The following HDAC9 variants were observed in gnomAD, a reference collection of about 807,000 sequenced individuals.
HDAC9 encodes the protein histone deacetylase 9, also known as MEF-2 interacting transcription repressor (MITR) protein.
Under a neutral mutation model 139.4 loss-of-function variants are expected in HDAC9, and 41 were observed. That is an observed-to-expected ratio of 0.29 (90% CI 0.23 to 0.38). The LOEUF is 0.38. Among genes scored for constraint, HDAC9 ranks in the 10% least tolerant of loss-of-function variants. The pLI, the probability that HDAC9 is intolerant of heterozygous loss-of-function variation, is 1.00. For missense variants in HDAC9, 1,147 were observed against 1,297.0 expected, an observed-to-expected ratio of 0.88 and a Z score of 1.78; for synonymous variants, 517 against 476.2, an observed-to-expected ratio of 1.09 and a Z score of -1.12.
At chr7:18,643,326 G>A (rs1002910213) in intron 8 of HDAC9, among the ~76,000 whole-genome samples, 8 of 152,106 alleles carry the variant, frequency 5.3e-5, no homozygotes, top group African/African-American at 1.4e-4. Context: ...TTAAAGGGCT[G>A]CATATAAAGT....
chr7:18,363,929 G>T (rs1034594898), intron 1 of HDAC9, among the ~76,000 whole-genome samples: 2 of 151,998 alleles, frequency 1.3e-5, no homozygotes, highest in Admixed American at 1.3e-4. Context: ...ATTTTTCAGG[G>T]TCTAACTTTT....
chr7:18,490,488 G>A (rs112936741), intron 1 of HDAC9, among the ~76,000 whole-genome samples: 2,039 of 152,054 alleles, frequency 0.013, 45 homozygotes, highest in African/African-American at 0.046. Context: ...CAATGCCAAC[G>A]TGATTTCTCA....
chr7:18,557,342 T>G (rs905851502), intron 2 of HDAC9, among the ~76,000 whole-genome samples: 66 of 148,986 alleles, frequency 4.4e-4, no homozygotes, highest in East Asian at 2.3e-3. Flanking sequence ...ATGATGAGTT[T>G]TTTTTTTTTT....
intron 2 of HDAC9, among the ~76,000 whole-genome samples, chr7:18,179,862 A>G (rs1789251121): frequency 6.6e-6 from 1 of 152,186 alleles, no homozygotes; most frequent in African/African-American, 2.4e-5. Flanking sequence ...ATAGTAAAGT[A>G]TCACATGTTC....
rs116840690 is a variant in HDAC9 at position 18,778,528 on chromosome 7, A to G, written c.2214+11373A>G. Reference sequence around the variant, plus strand: ...TTGAAGCACCCTTTACACAGTGTGGACATCAGATTAAATGAAGAAACAGTA... The same window carrying G: ...TTGAAGCACCCTTTACACAGTGTGGGCATCAGATTAAATGAAGAAACAGTA... On this transcript the variant is annotated intron_variant, in intron 16 of 25. Coordinates refer to ENST00000686413, the MANE Select transcript of HDAC9 (RefSeq NM_178425.4). Among the ~76,000 whole-genome samples, 499 of 152,164 alleles carry G rather than the reference A, an allele frequency of 3.3e-3. 1 individual carries two copies. The highest frequency in any genetic ancestry group is 0.012 in the African/African-American group (483 of 41,552).
intron 12 of HDAC9, among the ~76,000 whole-genome samples, chr7:18,714,606 A>G (rs758434935): frequency 6.6e-6 from 1 of 152,188 alleles, no homozygotes; most frequent in Non-Finnish European, 1.5e-5. Context: ...TCCACATGCT[A>G]TGCTGTCTAC....
At chr7:18,478,201 A>G (rs1047851238) in intron 1 of HDAC9, among the ~76,000 whole-genome samples, 3 of 151,886 alleles carry the variant, frequency 2.0e-5, no homozygotes, top group African/African-American at 4.8e-5. Flanking sequence ...CCTCCCGAGT[A>G]GCTGGGACTA....
At chr7:18,951,791 C>A (rs953123168) in intron 23 of HDAC9, among the ~76,000 whole-genome samples, 1 of 151,538 alleles carries the variant, frequency 6.6e-6, no homozygotes. Context: ...TGAATAATGA[C>A]AACACTCATA....
chr7:18,483,407 A>C (rs1300814198), intron 1 of HDAC9, among the ~76,000 whole-genome samples: 1 of 152,140 alleles, frequency 6.6e-6, no homozygotes, highest in East Asian at 1.9e-4. Flanking sequence ...AGGAAAATAA[A>C]CCCACAGCAG....
chr7:18,529,978 G>A (rs568536116), intron 2 of HDAC9, among the ~76,000 whole-genome samples: 82 of 151,944 alleles, frequency 5.4e-4, no homozygotes, highest in Non-Finnish European at 9.9e-4. Flanking sequence ...TTTAAGAATG[G>A]AATAATTACA....
intron 24 of HDAC9, among the ~76,000 whole-genome samples, chr7:18,970,169 C>G (rs965488651): frequency 6.6e-6 from 1 of 151,944 alleles, no homozygotes; most frequent in Non-Finnish European, 1.5e-5. Flanking sequence ...TATTTAGACC[C>G]CGTTGAAACA....
intron 24 of HDAC9, among the ~76,000 whole-genome samples, chr7:18,974,421 C>T (rs931293305): frequency 6.6e-6 from 1 of 152,186 alleles, no homozygotes; most frequent in African/African-American, 2.4e-5. Flanking sequence ...TCTTAACTAA[C>T]AGGGCTGTCT....
chr7:18,835,812 G>T, intron 20 of HDAC9, 88 bp from the exon 21 acceptor site: 1 of 996,878 alleles, frequency 1.0e-6, no homozygotes, highest in South Asian at 1.5e-5. Flanking sequence ...TTTATTTCAA[G>T]AGCTCCCATG....
At chr7:18,607,306 T>C (rs1835793725) in intron 6 of HDAC9, among the ~76,000 whole-genome samples, 1 of 152,226 alleles carries the variant, frequency 6.6e-6, no homozygotes, top group South Asian at 2.1e-4. Context: ...TAAGGTAGCC[T>C]AGAAAGACAA....
chr7:18,630,820 G>T lies in HDAC9; in HGVS notation c.796+1339G>T, dbSNP rs527501475. On this transcript the variant is annotated intron_variant, in intron 7 of 25. Coordinates refer to ENST00000686413, the MANE Select transcript of HDAC9 (RefSeq NM_178425.4). ...TTTTCTAATAGAGGTCTTTGATGGG[G>T]GTGGGCAGTTGAGGAGTGAATTTGT... Among the ~76,000 whole-genome samples, 3 of 152,032 alleles carry T rather than the reference G, an allele frequency of 2.0e-5. No individual in the cohort carries two copies. The South Asian group carries it at 6.2e-4, about 32-fold the overall frequency.
intron 1 of HDAC9, among the ~76,000 whole-genome samples, chr7:18,363,476 G>T (rs117246923): frequency 6.6e-6 from 1 of 151,912 alleles, no homozygotes; most frequent in Admixed American, 6.6e-5. Context: ...GACTTCTGAT[G>T]GTTCATTTTC....
rs1471334967 is a variant in HDAC9 at position 18,644,803 on chromosome 7, T to G, written c.1035+10T>G. ...GCCATCCCAGCTCAATGTAAGTCAT[T>G]GCACAGCATCAGCCTTAATCAACCT... On this transcript the variant is annotated intron_variant, in intron 9 of 25. Coordinates refer to ENST00000686413, the MANE Select transcript of HDAC9 (RefSeq NM_178425.4). 6.2e-7 allele frequency: 1 copy of G among 1,607,828 alleles called. No individual in the cohort carries two copies.
intron 12 of HDAC9, among the ~76,000 whole-genome samples, chr7:18,687,340 T>C (rs541261485): frequency 1.1e-4 from 16 of 151,848 alleles, no homozygotes; most frequent in Non-Finnish European, 2.4e-4. Flanking sequence ...TCCCTTTATG[T>C]GTATTTGCTT....
chr7:18,414,841 G>A (rs955844715), intron 1 of HDAC9, among the ~76,000 whole-genome samples: 1 of 152,194 alleles, frequency 6.6e-6, no homozygotes, highest in African/African-American at 2.4e-5. Context: ...GGAAGCAGAG[G>A]ATGTTTGATA....
Sources: allele counts gnomAD v4.1 joint callset (sites outside exome capture counted in the v4.1 genomes callset), GRCh38; gene constraint gnomAD v4.1.1; transcripts MANE v1.5; gene names NCBI Gene and HGNC (gene_info 2026-07-23, HGNC 2026-07-21).